The following PRKG1 variants were observed in gnomAD, a reference collection of about 807,000 sequenced individuals.
The protein encoded by PRKG1 is cGMP-dependent protein kinase 1.
PRKG1 carries 35 observed loss-of-function variants against 88.1 expected under a neutral mutation model. The observed-to-expected ratio is 0.40, with a 90% CI of 0.30 to 0.53. PRKG1 has a LOEUF of 0.53. Among genes scored for constraint, PRKG1 ranks in the 20% least tolerant of loss-of-function variants. The probability of loss-of-function intolerance (pLI) is 0.59; values close to 1 mark genes in which losing one functional copy is unlikely to be tolerated. For missense variants in PRKG1, 540 were observed against 839.8 expected (o/e 0.64, Z 4.41); for synonymous variants, 303 against 292.5 (o/e 1.04, Z -0.37).
intron 3 of PRKG1, among the ~76,000 whole-genome samples, chr10:51,752,922 C>G (rs947142292): frequency 6.6e-6 from 1 of 151,968 alleles, no homozygotes; most frequent in Non-Finnish European, 1.5e-5. Context: ...AGCCTAAGAA[C>G]TTTTTGCAAT....
intron 4 of PRKG1, among the ~76,000 whole-genome samples, chr10:51,863,276 G>A (rs1488311608): frequency 6.6e-6 from 1 of 152,084 alleles, no homozygotes; most frequent in Non-Finnish European, 1.5e-5. Flanking sequence ...ATCTCATATT[G>A]CCCAGCAAGA....
intron 4 of PRKG1, among the ~76,000 whole-genome samples, chr10:51,865,780 T>C (rs1380606607): frequency 2.0e-5 from 3 of 152,112 alleles, no homozygotes; most frequent in African/African-American, 7.2e-5. Context: ...TTTCCAGTGA[T>C]TGAATGTTTG....
At chr10:51,418,878 A>T (rs1382210104) in intron 2 of PRKG1, among the ~76,000 whole-genome samples, 1 of 152,170 alleles carries the variant, frequency 6.6e-6, no homozygotes, top group Non-Finnish European at 1.5e-5. Context: ...TCCAAGGGAA[A>T]ATTTCCATGC....
Position 51,034,671 on chromosome 10 carries a change from TATATA to T in PRKG1, c.266+43028_266+43032del, listed in dbSNP as rs1564576936. Among the ~76,000 whole-genome samples the T allele has an allele frequency of 6.0e-3, 268 of 44,396 alleles. 7 individuals carry two copies. The highest frequency in any genetic ancestry group is 0.018 in the African/African-American group (243 of 13,270). The allele number at this position is 44,396 out of a possible 152,430, so 29.1% of individuals were successfully genotyped here. On this transcript the variant is annotated intron_variant, in intron 1 of 17. Transcript: ENST00000401604. ...AAAATTATATATAATATGTTATTTA[TATATA>T]TATATATATATATATATATATATAT...
At chr10:51,091,626 G>T (rs976470315) in intron 1 of PRKG1, among the ~76,000 whole-genome samples, 1 of 152,078 alleles carries the variant, frequency 6.6e-6, no homozygotes, top group Admixed American at 6.6e-5. Flanking sequence ...CAATTGGCCT[G>T]GTTTTTGTTG....
intron 3 of PRKG1, among the ~76,000 whole-genome samples, chr10:51,780,220 A>G (rs192954831): frequency 1.4e-4 from 21 of 152,222 alleles, no homozygotes; most frequent in African/African-American, 4.3e-4. Flanking sequence ...TGGGTTGAGT[A>G]GTGTTTGAAC....
In PRKG1 at chr10:52,062,577, T is replaced by A. The variant is rs757416473; in HGVS notation, c.881T>A (p.Val294Asp). The A allele has an allele frequency of 1.2e-6, 2 of 1,607,532 alleles. No homozygotes were observed. The highest frequency in any genetic ancestry group is 3.4e-5 in the Admixed American group (2 of 58,364). Residue 294 changes from valine (V) to aspartate (D), a missense_variant, in exon 7 of 18, where the codon GTC (valine) becomes GAC (aspartate). Physicochemically the swap from Val to Asp is radical, Grantham distance 152. This residue lies in a region of PRKG1 where 400 missense variants were observed against 562.7 expected (regional missense o/e 0.71). Coordinates refer to ENST00000373980, the MANE Select transcript of PRKG1 (RefSeq NM_006258.4). Reference sequence around the variant, plus strand: ...GAAGACTCACCGAGTGAAGACCCAGTCTTTCTTAGAACTTTAGGAAAAGGA... The same window carrying A: ...GAAGACTCACCGAGTGAAGACCCAGACTTTCTTAGAACTTTAGGAAAAGGA... Reference protein sequence around the residue: ...TREDSPSEDPVFLRTLGKGDW... With the variant: ...TREDSPSEDPDFLRTLGKGDW...
intron 2 of PRKG1, among the ~76,000 whole-genome samples, chr10:51,410,882 TTA>T (rs1200511355): frequency 6.6e-6 from 1 of 151,774 alleles, no homozygotes; most frequent in African/African-American, 2.4e-5. Context: ...TATTTTATAT[TTA>T]TATTTATTTT....
intron 3 of PRKG1, among the ~76,000 whole-genome samples, chr10:51,767,177 C>T (rs1438511971): frequency 1.3e-5 from 2 of 152,148 alleles, no homozygotes; most frequent in Admixed American, 1.3e-4. Context: ...TTTTCTGCTT[C>T]CCCATACCAC....
chr10:51,050,300 C>T (rs748764818), intron 1 of PRKG1, among the ~76,000 whole-genome samples: 1 of 151,994 alleles, frequency 6.6e-6, no homozygotes, highest in Non-Finnish European at 1.5e-5. Context: ...ACCTTGTACC[C>T]TTTGACTAAT....
chr10:51,070,201 T>C (rs1394230499), upstream of PRKG1, among the ~76,000 whole-genome samples: 2 of 152,092 alleles, frequency 1.3e-5, no homozygotes, highest in Admixed American at 6.5e-5. Context: ...ATTGATTAGG[T>C]GAATGATTCT....
intron 3 of PRKG1, among the ~76,000 whole-genome samples, chr10:51,542,768 A>G (rs528993053): frequency 3.3e-5 from 5 of 152,288 alleles, no homozygotes; most frequent in Admixed American, 3.3e-4. Context: ...GAAAGGAGAG[A>G]GAGCACCAGG....
rs574404725 is a variant in PRKG1, at chr10:50,991,291, C to A, written c.-88C>A. On this transcript the variant is annotated 5_prime_UTR_variant, in exon 1 of 18. Transcript: ENST00000401604. This position sits in a 1 kb window ranked among gnomAD's most constrained non-coding sequence, Gnocchi z 4.5. ...CATTCACTCGCTCACCCGCGCTCTCCGCTGCCGGCTGCCGTCCCAGCCGCC... is the reference window on the plus strand; with the variant it reads ...CATTCACTCGCTCACCCGCGCTCTCAGCTGCCGGCTGCCGTCCCAGCCGCC... 74 of 1,456,552 alleles carry A rather than the reference C, an allele frequency of 5.1e-5. 3 individuals are homozygous for A. The African/African-American group carries it at 1.0e-3, about 20-fold the overall frequency. The allele number at this position is 1,456,552 out of a possible 1,614,324, so 90.2% of individuals were successfully genotyped here. A position where few individuals can be genotyped will look rare whatever the true frequency, so the allele number is the denominator to read the frequency against.
chr10:52,054,737 A>T (rs1226768404), intron 6 of PRKG1, among the ~76,000 whole-genome samples, 176 bp downstream of exon 6: 1 of 152,182 alleles, frequency 6.6e-6, no homozygotes, highest in East Asian at 1.9e-4. Flanking sequence ...AAAAAGATGT[A>T]ACTTGGAAGA....
At chr10:51,962,270 C>T (rs1360707554) in intron 5 of PRKG1, among the ~76,000 whole-genome samples, 2 of 152,090 alleles carry the variant, frequency 1.3e-5, no homozygotes, top group East Asian at 3.9e-4. Flanking sequence ...CTGAGGCATT[C>T]AGAATGGTGG....
intron 2 of PRKG1, among the ~76,000 whole-genome samples, chr10:51,323,736 A>G (rs1425841442): frequency 6.6e-6 from 1 of 152,222 alleles, no homozygotes; most frequent in Non-Finnish European, 1.5e-5. Context: ...TGGGAAGCCA[A>G]GGCAGGAGGG....
At chr10:51,443,834 G>A (rs1414690656) in intron 2 of PRKG1, among the ~76,000 whole-genome samples, 1 of 151,988 alleles carries the variant, frequency 6.6e-6, no homozygotes, top group Non-Finnish European at 1.5e-5. Context: ...CAAATCTGTA[G>A]TGTGCCTGGA....
At chr10:51,719,012 G>A (rs1841951220) in intron 3 of PRKG1, among the ~76,000 whole-genome samples, 2 of 152,088 alleles carry the variant, frequency 1.3e-5, no homozygotes, top group African/African-American at 4.8e-5. Flanking sequence ...TGGGCATGGT[G>A]GCAAGTGCCT....
At chr10:51,815,400 G>C (rs1839559010) in intron 4 of PRKG1, among the ~76,000 whole-genome samples, 1 of 152,104 alleles carries the variant, frequency 6.6e-6, no homozygotes, top group South Asian at 2.1e-4. Flanking sequence ...ATGAGTTACT[G>C]GGAAAAATTA....
Sources: allele counts gnomAD v4.1 joint callset (sites outside exome capture counted in the v4.1 genomes callset), GRCh38; gene constraint gnomAD v4.1.1; regional missense constraint gnomAD v4.1.1; non-coding constraint Gnocchi (gnomAD v3.1); transcripts MANE v1.5; gene names NCBI Gene and HGNC (gene_info 2026-07-23, HGNC 2026-07-21).